Variants in NRXN1 observed in about 807,000 individuals in gnomAD.
The protein encoded by NRXN1 is neurexin-1.
A neutral mutation model predicts 150.9 loss-of-function variants in NRXN1; 39 were observed. The ratio of observed to expected loss-of-function variants is 0.26; its 90% CI spans 0.20 to 0.34. The LOEUF (loss-of-function observed/expected upper bound fraction) is 0.34. NRXN1 is among the 10% of genes least tolerant of loss of function. NRXN1 has a pLI of 1.00. For synonymous variants in NRXN1, 924 were observed against 757.0 expected (o/e 1.22, Z -3.62); for missense variants, 1,815 against 1,949.9 (o/e 0.93, Z 1.30).
intron 21 of NRXN1, among the ~76,000 whole-genome samples, chr2:50,035,058 T>C (rs1274501274): frequency 2.6e-5 from 4 of 152,128 alleles, no homozygotes; most frequent in African/African-American, 9.7e-5. Context: ...CAATGAAGGG[T>C]ACATAATGCT....
In NRXN1 at chr2:50,077,313, C is replaced by T. The variant is rs892747538; in HGVS notation, c.3718+14010G>A. On this transcript the variant is annotated intron_variant, in intron 19 of 22. Coordinates refer to ENST00000401669, the MANE Select transcript of NRXN1 (RefSeq NM_001330078.2). The stretch of plus-strand genomic sequence containing the variant: ...TGTTACCTCTTCACCCCAATGCTGG[C>T]GCAACATGAATTTCCTTTATTGAAT... Among the ~76,000 whole-genome samples the T allele has an allele frequency of 2.4e-4, 36 of 152,224 alleles. 1 individual carries two copies. The highest frequency in any genetic ancestry group is 2.0e-3 in the Admixed American group (30 of 15,282).
At chr2:50,782,388 T>C (rs775847775) in intron 5 of NRXN1, among the ~76,000 whole-genome samples, 1 of 151,910 alleles carries the variant, frequency 6.6e-6, no homozygotes, top group Admixed American at 6.6e-5. Flanking sequence ...GAGAATCACT[T>C]GAACCTGGGA....
At chr2:50,412,543 T>C (rs946127230) in intron 17 of NRXN1, among the ~76,000 whole-genome samples, 2 of 141,706 alleles carry the variant, frequency 1.4e-5, no homozygotes, top group Non-Finnish European at 3.1e-5. Flanking sequence ...AATACAATAA[T>C]GTTTTGCTTT....
At chr2:51,003,427 A>AGGTC (rs1700312774) in intron 2 of NRXN1, among the ~76,000 whole-genome samples, 1 of 152,020 alleles carries the variant, frequency 6.6e-6, no homozygotes, top group African/African-American at 2.4e-5. Flanking sequence ...ACTAGAGATA[A>AGGTC]ATTATGGTGC....
intron 5 of NRXN1, among the ~76,000 whole-genome samples, chr2:50,691,233 A>G (rs1291432665): frequency 6.6e-6 from 1 of 152,196 alleles, no homozygotes; most frequent in Non-Finnish European, 1.5e-5. Context: ...AAACAGAAAA[A>G]TAAAGGAGGT....
chr2:50,297,618 T>C (rs1473860727), intron 17 of NRXN1, among the ~76,000 whole-genome samples: 1 of 152,156 alleles, frequency 6.6e-6, no homozygotes, highest in Non-Finnish European at 1.5e-5. Context: ...CCATAATATT[T>C]CACAACAGAA....
chr2:50,600,938 T>G (rs1247191696), intron 8 of NRXN1, among the ~76,000 whole-genome samples: 2 of 122,982 alleles, frequency 1.6e-5, no homozygotes, highest in Non-Finnish European at 3.6e-5. Flanking sequence ...TAAGTTTATT[T>G]GTGAATTAAA....
At chr2:50,745,985 A>G (rs1438805064) in intron 5 of NRXN1, among the ~76,000 whole-genome samples, 1 of 152,172 alleles carries the variant, frequency 6.6e-6, no homozygotes, top group Non-Finnish European at 1.5e-5. Context: ...TGCCAATGGG[A>G]CAACTAGCCC....
intron 8 of NRXN1, among the ~76,000 whole-genome samples, chr2:50,557,103 C>T (rs1341265867): frequency 6.6e-6 from 1 of 152,110 alleles, no homozygotes; most frequent in Non-Finnish European, 1.5e-5. Flanking sequence ...CACAGACATG[C>T]CTCGAGGATT....
chr2:50,458,129 C>T (rs921476205), intron 17 of NRXN1, among the ~76,000 whole-genome samples: 11 of 152,118 alleles, frequency 7.2e-5, no homozygotes, highest in Non-Finnish European at 1.6e-4. Flanking sequence ...TATATATATT[C>T]CAATACGAGT....
intron 17 of NRXN1, among the ~76,000 whole-genome samples, chr2:50,242,190 T>C (rs2066061987): frequency 6.6e-6 from 1 of 151,664 alleles, no homozygotes; most frequent in Non-Finnish European, 1.5e-5. Context: ...AGTAAAGCAT[T>C]TGTAAGTAAG....
intron 17 of NRXN1, among the ~76,000 whole-genome samples, chr2:50,359,750 C>G (rs2079060310): frequency 6.6e-6 from 1 of 152,030 alleles, no homozygotes; most frequent in Admixed American, 6.6e-5. Flanking sequence ...TCAGGAAATA[C>G]AGAGAACACC....
chr2:50,339,737 G>C (rs1048585454), intron 17 of NRXN1, among the ~76,000 whole-genome samples: 3 of 152,218 alleles, frequency 2.0e-5, no homozygotes, highest in Non-Finnish European at 4.4e-5. Context: ...TTTGAGAACA[G>C]TCCTCATTTA....
Position 50,367,501 on chromosome 2 carries a change from TGCAACAG to T in NRXN1, c.3364+97934_3364+97940del, listed in dbSNP as rs555330284. On this transcript the variant is annotated intron_variant, in intron 17 of 22. Coordinates refer to ENST00000401669, the MANE Select transcript of NRXN1 (RefSeq NM_001330078.2). ...GCAAATATTTATTGAGCACTTACTCTGCAACAGGATCTGTACCAAGCCCTGGACTCAT... is the reference window on the plus strand; with the variant it reads ...GCAAATATTTATTGAGCACTTACTCTGATCTGTACCAAGCCCTGGACTCAT... 1.3e-3 allele frequency among the ~76,000 whole-genome samples: 191 copies of T among 152,120 alleles called. 1 individual carries two copies. Among genetic ancestry groups the T allele is most frequent in the Non-Finnish European group, 2.3e-3 (153 of 67,932 alleles).
chr2:50,229,259 T>C (rs1574617985), intron 18 of NRXN1, among the ~76,000 whole-genome samples: 1 of 152,056 alleles, frequency 6.6e-6, no homozygotes, highest in Non-Finnish European at 1.5e-5. Flanking sequence ...CTGACATATT[T>C]ACAATGCTGT....
At chr2:49,926,282 T>C (rs1233943264) in intron 22 of NRXN1, 5 of 398,272 alleles carry the variant, frequency 1.3e-5, no homozygotes, top group African/African-American at 8.2e-5. Flanking sequence ...TTATAAAGCA[T>C]GTTACCTTAA....
chr2:51,003,669 T>C lies in NRXN1; in HGVS notation c.772+23833A>G, dbSNP rs141289988. Reference sequence around the variant, plus strand: ...ATGTAGCTTATTTGCCTCTGACTCCTGGTACATATGACAATATATCCTGCT... The same window carrying C: ...ATGTAGCTTATTTGCCTCTGACTCCCGGTACATATGACAATATATCCTGCT... On this transcript the variant is annotated intron_variant, in intron 2 of 22. Coordinates refer to ENST00000401669, the MANE Select transcript of NRXN1 (RefSeq NM_001330078.2). 9.9e-5 allele frequency among the ~76,000 whole-genome samples: 15 copies of C among 152,116 alleles called. No individual in the cohort carries two copies. The East Asian group carries it at 2.9e-3, about 30-fold the overall frequency.
intron 5 of NRXN1, chr2:50,917,076 A>G (rs891088405): frequency 1.3e-4 from 20 of 151,638 alleles, no homozygotes; most frequent in Admixed American, 1.3e-3. Context: ...CGGTCTTCCC[A>G]CGGTCTGCGG....
chr2:50,304,015 G>T (rs2074392757), intron 17 of NRXN1, among the ~76,000 whole-genome samples: 1 of 152,040 alleles, frequency 6.6e-6, no homozygotes, highest in Non-Finnish European at 1.5e-5. Flanking sequence ...GATCATAATG[G>T]TAATGTAAAC....
Sources: gnomAD v4.1 joint callset for allele counts (sites outside exome capture counted in the v4.1 genomes callset) on GRCh38, gnomAD v4.1.1 for gene constraint, MANE v1.5 for transcripts, NCBI Gene and HGNC (gene_info 2026-07-23, HGNC 2026-07-21) for gene names.